Variants in MEI4 observed in about 807,000 individuals in gnomAD.
MEI4 encodes the protein meiosis-specific protein MEI4.
A neutral mutation model predicts 31.4 loss-of-function variants in MEI4; 27 were observed. The ratio of observed to expected loss-of-function variants is 0.86; its 90% CI spans 0.63 to 1.19. The LOEUF (loss-of-function observed/expected upper bound fraction) is 1.19, where lower values mean the gene tolerates loss of function less well. Ranked by LOEUF, MEI4 falls within the 50% of genes most tolerant of loss-of-function variation. The pLI, the probability that MEI4 is intolerant of heterozygous loss-of-function variation, is 0.00. For missense variants in MEI4, 329 were observed against 398.9 expected (o/e 0.82, Z 1.49); for synonymous variants, 122 against 145.4 (o/e 0.84, Z 1.16).
intron 4 of MEI4, among the ~76,000 whole-genome samples, chr6:77,894,385 A>AT (rs201687088): frequency 2.1e-4 from 32 of 151,880 alleles, no homozygotes; most frequent in African/African-American, 5.1e-4. Context: ...GATTGATTGT[A>AT]TTTTTTTTTA....
intron 4 of MEI4, among the ~76,000 whole-genome samples, chr6:77,854,785 A>G (rs1386533699): frequency 6.6e-6 from 1 of 152,052 alleles, no homozygotes; most frequent in Non-Finnish European, 1.5e-5. Flanking sequence ...TACACACTTG[A>G]CTTATATTAT....
At chr6:77,698,406 C>G (rs142741103) in intron 2 of MEI4, among the ~76,000 whole-genome samples, 4 of 151,964 alleles carry the variant, frequency 2.6e-5, no homozygotes, top group African/African-American at 9.7e-5. Context: ...TGGCTGGTAC[C>G]GGTTGTTCCT....
intron 4 of MEI4, among the ~76,000 whole-genome samples, chr6:77,901,001 A>G (rs927356495): frequency 6.6e-6 from 1 of 151,796 alleles, no homozygotes; most frequent in Non-Finnish European, 1.5e-5. Context: ...ACTTAACATA[A>G]TGTCCTTGGG....
intron 1 of MEI4, among the ~76,000 whole-genome samples, chr6:77,673,242 A>T (rs1333178731): frequency 2.6e-5 from 4 of 152,208 alleles, no homozygotes; most frequent in Non-Finnish European, 5.9e-5. Flanking sequence ...GCATAATAGT[A>T]TGGCTGTAAT....
At chr6:77,863,669 C>T (rs1770934335) in intron 4 of MEI4, among the ~76,000 whole-genome samples, 1 of 152,146 alleles carries the variant, frequency 6.6e-6, no homozygotes, top group Non-Finnish European at 1.5e-5. Context: ...GGATATAATC[C>T]AGGAGAACTT....
At chr6:77,703,333 G>A (rs746574103) in intron 2 of MEI4, among the ~76,000 whole-genome samples, 16 of 152,194 alleles carry the variant, frequency 1.1e-4, no homozygotes, top group Admixed American at 2.0e-4. Flanking sequence ...AAAGTAGGGT[G>A]AGTATTAGAG....
chr6:77,800,180 G>T (rs1286097119), intron 3 of MEI4, among the ~76,000 whole-genome samples: 2 of 152,052 alleles, frequency 1.3e-5, no homozygotes, highest in Non-Finnish European at 2.9e-5. Flanking sequence ...TTGAGCAGTG[G>T]TTTATAGTTC....
chr6:77,703,203 G>T (rs1414913876), intron 2 of MEI4, among the ~76,000 whole-genome samples: 1 of 152,164 alleles, frequency 6.6e-6, no homozygotes, highest in East Asian at 1.9e-4. Flanking sequence ...CTATGTGAGG[G>T]TTCATACTTG....
intron 3 of MEI4, among the ~76,000 whole-genome samples, chr6:77,811,839 T>C (rs1295861683): frequency 2.0e-5 from 3 of 152,164 alleles, no homozygotes; most frequent in African/African-American, 7.2e-5. Flanking sequence ...GGACTTACTA[T>C]GTAATGTTTT....
intron 4 of MEI4, among the ~76,000 whole-genome samples, chr6:77,879,198 G>C (rs1771419230): frequency 6.6e-6 from 1 of 151,994 alleles, no homozygotes; most frequent in Non-Finnish European, 1.5e-5. Context: ...CTCATATTAA[G>C]TAATTAAATA....
rs13437482 is a variant in MEI4 at position 77,726,888 on chromosome 6, G to T, written c.233-34242G>T. 6.9e-3 allele frequency among the ~76,000 whole-genome samples: 1,057 copies of T among 152,204 alleles called. 12 individuals carry two copies. The highest frequency in any genetic ancestry group is 0.024 in the African/African-American group (997 of 41,530). On this transcript the variant is annotated intron_variant, in intron 2 of 4. Coordinates refer to ENST00000684080, the MANE Select transcript of MEI4 (RefSeq NM_001322247.2). The stretch of plus-strand genomic sequence containing the variant: ...AGAGAATAAAAAGGAGTGCTCAAAA[G>T]GGATTCAAGATTTTGAAATTGGTGC...
chr6:77,735,366 T>G (rs376276135), intron 2 of MEI4, among the ~76,000 whole-genome samples: 2 of 151,872 alleles, frequency 1.3e-5, no homozygotes, highest in East Asian at 1.9e-4. Flanking sequence ...CTTCCCTTCT[T>G]GCTTCATTTC....
At chr6:77,657,476 T>C in intron 1 of MEI4, among the ~76,000 whole-genome samples, 1 of 80,598 alleles carries the variant, frequency 1.2e-5, no homozygotes, top group East Asian at 3.4e-4. Flanking sequence ...CTTTTAGAGC[T>C]TCCTGTATTC....
At chr6:77,855,037 A>C (rs1026349781) in intron 4 of MEI4, among the ~76,000 whole-genome samples, 6 of 152,092 alleles carry the variant, frequency 3.9e-5, no homozygotes, top group Admixed American at 6.6e-5. Context: ...CTAGATACTT[A>C]AGAAAATTAC....
intron 3 of MEI4, among the ~76,000 whole-genome samples, chr6:77,824,404 G>C (rs1431965195): frequency 6.6e-6 from 1 of 152,016 alleles, no homozygotes; most frequent in Admixed American, 6.6e-5. Context: ...ATCTAACTTT[G>C]AACAAGTTAA....
Position 77,856,784 on chromosome 6 carries a change from A to G in MEI4, c.900+27722A>G, listed in dbSNP as rs1047640084. 6.6e-5 allele frequency among the ~76,000 whole-genome samples: 10 copies of G among 151,750 alleles called. No homozygotes were observed. The South Asian group carries it at 1.2e-3, about 19-fold the overall frequency. On this transcript the variant is annotated intron_variant, in intron 4 of 4. Transcript: ENST00000684080. Reference sequence around the variant, plus strand: ...TCTCATCTTATCCACCGACCTAAGCACTCTCATCTTATCCACCTACCTAAG... The same window carrying G: ...TCTCATCTTATCCACCGACCTAAGCGCTCTCATCTTATCCACCTACCTAAG...
At chr6:77,733,785 A>G (rs1460647408) in intron 2 of MEI4, among the ~76,000 whole-genome samples, 1 of 151,988 alleles carries the variant, frequency 6.6e-6, no homozygotes, top group Non-Finnish European at 1.5e-5. Flanking sequence ...ATTTCCCTCT[A>G]CACAGTGCTT....
intron 3 of MEI4, among the ~76,000 whole-genome samples, chr6:77,823,475 C>T (rs1252405866): frequency 4.6e-5 from 7 of 152,138 alleles, no homozygotes; most frequent in Admixed American, 4.6e-4. Flanking sequence ...GATATTTCAG[C>T]CATTAATTGC....
Position 77,925,676 on chromosome 6 carries a change from A to C in MEI4, c.*2330A>C, listed in dbSNP as rs1766824893. The C allele has an allele frequency of 6.6e-6, 1 of 151,170 alleles. No individual in the cohort carries two copies. Among genetic ancestry groups the C allele is most frequent in the Non-Finnish European group, 1.5e-5 (1 of 67,712 alleles). The allele number at this position is 151,170 out of a possible 1,614,324, so 9.4% of individuals were successfully genotyped here. ...ATAAGATAGGATAGGAAATAAAGAG[A>C]ACCATAGAATGATCATAAAAATGAA... On this transcript the variant is annotated 3_prime_UTR_variant, in exon 5 of 5. Coordinates refer to ENST00000684080, the MANE Select transcript of MEI4 (RefSeq NM_001322247.2).
Sources: gnomAD v4.1 joint callset for allele counts (sites outside exome capture counted in the v4.1 genomes callset) on GRCh38, gnomAD v4.1.1 for gene constraint, MANE v1.5 for transcripts, NCBI Gene and HGNC (gene_info 2026-07-23, HGNC 2026-07-21) for gene names.